The following LRRC37A2 variants were observed in gnomAD, a reference collection of about 807,000 sequenced individuals.
LRRC37A2 encodes the protein leucine rich repeat containing 37 member A2.
Under a neutral mutation model 68.8 loss-of-function variants are expected in LRRC37A2, and 9 were observed. That is an observed-to-expected ratio of 0.13 (90% CI 0.08 to 0.23). LRRC37A2 has a LOEUF of 0.23. LRRC37A2 is among the 10% of genes least tolerant of loss of function. The pLI is 1.00. For missense variants in LRRC37A2, 168 were observed against 950.4 expected (o/e 0.18, Z 10.82); for synonymous variants, 63 against 367.6 (o/e 0.17, Z 9.48).
At chr17:46,970,925 G>A in the LRRC37A2 span, among the ~76,000 whole-genome samples, 3 of 152,162 alleles carry the variant, frequency 2.0e-5, no homozygotes, top group Non-Finnish European at 4.4e-5. Flanking sequence ...TAATTCTATC[G>A]ATCCCTCAAA....
intron 6 of LRRC37A2, among the ~76,000 whole-genome samples, chr17:46,536,861 G>C (rs2054609028): frequency 9.5e-5 from 1 of 10,494 alleles, no homozygotes; most frequent in Non-Finnish European, 1.5e-4. Context: ...CTGAGAATAA[G>C]GCTTTGAAGG....
chr17:46,457,753 A>G, the LRRC37A2 span, among the ~76,000 whole-genome samples: 1 of 102,610 alleles, frequency 9.7e-6, no homozygotes, highest in African/African-American at 3.3e-5. Context: ...GCTGGAACTA[A>G]ATAATGCGTA....
At chr17:46,989,512 A>C in the LRRC37A2 span, among the ~76,000 whole-genome samples, 1 of 152,194 alleles carries the variant, frequency 6.6e-6, no homozygotes, top group African/African-American at 2.4e-5. Context: ...AGGCTGAGCC[A>C]ATCTTAGTAC....
At chr17:46,971,434 A>C in the LRRC37A2 span, among the ~76,000 whole-genome samples, 3 of 152,158 alleles carry the variant, frequency 2.0e-5, no homozygotes, top group East Asian at 5.8e-4. Context: ...AGGTCCTGGC[A>C]TGGCTTGGCT....
chr17:46,848,504 T>C, the LRRC37A2 span, among the ~76,000 whole-genome samples: 1 of 152,230 alleles, frequency 6.6e-6, no homozygotes, highest in Non-Finnish European at 1.5e-5. Flanking sequence ...TGGCACAGGC[T>C]GTAGGTCCCA....
chr17:46,992,132 G>A, the LRRC37A2 span, among the ~76,000 whole-genome samples: 3 of 151,800 alleles, frequency 2.0e-5, no homozygotes, highest in Non-Finnish European at 4.4e-5. Context: ...AGGCTGAGGC[G>A]AGTGGATCAC....
chr17:46,797,679 A>G, the LRRC37A2 span, among the ~76,000 whole-genome samples: 148 of 152,338 alleles, frequency 9.7e-4, no homozygotes, highest in African/African-American at 3.4e-3. Flanking sequence ...CCTGCTGTGC[A>G]CAGCGAGATG....
chr17:46,635,197 TA>T, the LRRC37A2 span, among the ~76,000 whole-genome samples: 2 of 142,042 alleles, frequency 1.4e-5, no homozygotes, highest in East Asian at 3.9e-4. Context: ...TGGAGTTCTG[TA>T]TTATCTTTTG....
chr17:46,863,430 A>C, the LRRC37A2 span, among the ~76,000 whole-genome samples: 1 of 152,228 alleles, frequency 6.6e-6, no homozygotes, highest in East Asian at 1.9e-4. Flanking sequence ...GCCTCTGCCA[A>C]GGAGCTTACA....
At chr17:46,946,282 C>CAA in the LRRC37A2 span, among the ~76,000 whole-genome samples, 136 of 126,704 alleles carry the variant, frequency 1.1e-3, no homozygotes, top group African/African-American at 4.0e-3. Flanking sequence ...CTAAAAATAC[C>CAA]AAAAAAAAAA....
At chr17:46,960,228 G>T in the LRRC37A2 span, among the ~76,000 whole-genome samples, 1 of 152,152 alleles carries the variant, frequency 6.6e-6, no homozygotes, top group South Asian at 2.1e-4. Flanking sequence ...TATACAGATG[G>T]CACTTAAGAA....
the LRRC37A2 span, among the ~76,000 whole-genome samples, chr17:46,987,105 T>G: frequency 6.6e-6 from 1 of 151,828 alleles, no homozygotes; most frequent in Non-Finnish European, 1.5e-5. Flanking sequence ...TAGCCAAGCG[T>G]GGTGGTGCAT....
chr17:46,711,259 T>C, the LRRC37A2 span: 1 of 767,322 alleles, frequency 1.3e-6, no homozygotes, highest in Non-Finnish European at 1.9e-6. Context: ...TAATCCAATC[T>C]ATGTACCAAT....
the LRRC37A2 span, among the ~76,000 whole-genome samples, chr17:47,027,101 C>T: frequency 5.7e-4 from 86 of 152,124 alleles, no homozygotes; most frequent in African/African-American, 1.9e-3. Flanking sequence ...TTTGTAGAGA[C>T]GGGGTTTCAC....
At chr17:46,557,077 C>T (rs2057322947), downstream of LRRC37A2, 2 of 479,354 alleles carry the variant, frequency 4.2e-6, no homozygotes, top group Non-Finnish European at 7.1e-6. Flanking sequence ...GAAAAAACAC[C>T]TAGGAGAAAA....
chr17:46,783,130 G>A, the LRRC37A2 span, among the ~76,000 whole-genome samples: 2 of 152,204 alleles, frequency 1.3e-5, no homozygotes, highest in Admixed American at 6.5e-5. Context: ...AGCAGGGGTG[G>A]GAGCACCCTT....
At chr17:46,610,076 C>CCTTT in the LRRC37A2 span, among the ~76,000 whole-genome samples, 1 of 118,746 alleles carries the variant, frequency 8.4e-6, no homozygotes, top group Non-Finnish European at 1.9e-5. Context: ...TCCTTTCTTT[C>CCTTT]CTTCTTTCTT....
the LRRC37A2 span, chr17:46,885,393 C>G: frequency 6.0e-6 from 1 of 166,584 alleles, no homozygotes; most frequent in Non-Finnish European, 1.3e-5. Flanking sequence ...ACCTCCACCT[C>G]CCAGGTTCAA....
At chr17:46,982,938 A>G in the LRRC37A2 span, among the ~76,000 whole-genome samples, 1 of 152,242 alleles carries the variant, frequency 6.6e-6, no homozygotes, top group Non-Finnish European at 1.5e-5. Flanking sequence ...TTGGTGGTGC[A>G]GGAAAGCTAC....
Sources: allele counts gnomAD v4.1 joint callset (sites outside exome capture counted in the v4.1 genomes callset), GRCh38; gene constraint gnomAD v4.1.1; transcripts MANE v1.5; gene names NCBI Gene and HGNC (gene_info 2026-07-23, HGNC 2026-07-21).